Variants in JAK1 observed in about 807,000 individuals in gnomAD.
JAK1 encodes the protein tyrosine-protein kinase JAK1.
In JAK1, 16 loss-of-function variants were observed where a neutral mutation model predicts 136.6. The observed-to-expected ratio is 0.12, with a 90% CI of 0.08 to 0.18. The LOEUF is 0.18. Ranked by LOEUF, JAK1 falls within the 10% of genes least tolerant of loss-of-function variation. JAK1 has a pLI of 1.00. For missense variants in JAK1, 859 were observed against 1,450.1 expected, an observed-to-expected ratio of 0.59 and a Z score of 6.62; for synonymous variants, 492 against 519.5, an observed-to-expected ratio of 0.95 and a Z score of 0.72.
At chr1:65,054,769 T>C (rs1431770000) in intron 1 of JAK1, among the ~76,000 whole-genome samples, 2 of 46,124 alleles carry the variant, frequency 4.3e-5, no homozygotes, top group South Asian at 1.7e-3. Context: ...TAATATTCAT[T>C]GCTACTATAT....
At chr1:65,004,432 G>T (rs510477) in intron 2 of JAK1, among the ~76,000 whole-genome samples, 2,219 of 152,284 alleles carry the variant, frequency 0.015, 56 homozygotes, top group African/African-American at 0.05. Context: ...TGACCATCAG[G>T]GTTGATCTAA....
At chr1:64,906,603 C>T (rs944171446) in intron 1 of JAK1, among the ~76,000 whole-genome samples, 2 of 152,234 alleles carry the variant, frequency 1.3e-5, no homozygotes, top group African/African-American at 4.8e-5. Flanking sequence ...TCGCCACCTA[C>T]ACTGCTACTA....
chr1:64,909,257 T>C (rs1048354205), intron 1 of JAK1, among the ~76,000 whole-genome samples: 1 of 152,162 alleles, frequency 6.6e-6, no homozygotes, highest in Non-Finnish European at 1.5e-5. Context: ...CAAGAGCTGC[T>C]GACAGGGAAG....
Position 64,915,643 on chromosome 1 carries a change from G to T in JAK1, c.-77-29302C>A, listed in dbSNP as rs1399881436. Among the ~76,000 whole-genome samples, 5 of 152,292 alleles carry T rather than the reference G, an allele frequency of 3.3e-5. No individual in the cohort carries two copies. In the East Asian group the frequency reaches 7.7e-4, roughly 23 times the overall value. On this transcript the variant is annotated intron_variant, in intron 1 of 24. Coordinates refer to ENST00000342505, the MANE Select transcript of JAK1 (RefSeq NM_002227.4). ...GGCAGCCAGTCACATGTGGCTACCA[G>T]GCATTTAAAAGATGGCTACTGTAAC...
intron 1 of JAK1, among the ~76,000 whole-genome samples, chr1:64,902,253 G>A (rs890188516): frequency 2.0e-5 from 3 of 152,004 alleles, no homozygotes; most frequent in Admixed American, 6.6e-5. Flanking sequence ...ACTCCCTTTA[G>A]TGCTCTTCTC....
intron 2 of JAK1, chr1:64,972,919 G>C (rs181728274): frequency 6.6e-6 from 1 of 152,478 alleles, no homozygotes; most frequent in Non-Finnish European, 1.5e-5. Flanking sequence ...AGGAGTTCAA[G>C]ACCAGCCTGG....
At chr1:64,906,477 G>C (rs527602856) in intron 1 of JAK1, among the ~76,000 whole-genome samples, 10 of 152,156 alleles carry the variant, frequency 6.6e-5, no homozygotes, top group African/African-American at 2.4e-4. Context: ...CCATGTTGTA[G>C]AAGCAAAACC....
intron 3 of JAK1, among the ~76,000 whole-genome samples, chr1:64,882,742 A>G (rs1644793225): frequency 6.6e-6 from 1 of 152,204 alleles, no homozygotes; most frequent in African/African-American, 2.4e-5. Context: ...CCTTTTCACA[A>G]CTTGGGAACT....
upstream of JAK1, among the ~76,000 whole-genome samples, chr1:64,970,468 C>A (rs1204177355): frequency 6.7e-6 from 1 of 149,348 alleles, no homozygotes; most frequent in African/African-American, 2.5e-5. Context: ...ACAAAAAGGG[C>A]CGGGTGCAGT....
intron 2 of JAK1, among the ~76,000 whole-genome samples, chr1:64,977,711 G>T (rs1415785664): frequency 6.6e-6 from 1 of 152,036 alleles, no homozygotes; most frequent in Non-Finnish European, 1.5e-5. Flanking sequence ...GATTACAGGC[G>T]TGAGCCACCG....
chr1:65,047,806 C>T (rs954312110), intron 1 of JAK1, among the ~76,000 whole-genome samples: 2 of 151,612 alleles, frequency 1.3e-5, no homozygotes, highest in Non-Finnish European at 2.9e-5. Context: ...TACTGAAGTA[C>T]GTTAGTGTGG....
At chr1:65,047,104 C>T (rs1223478394) in intron 1 of JAK1, among the ~76,000 whole-genome samples, 2 of 151,910 alleles carry the variant, frequency 1.3e-5, no homozygotes, top group Non-Finnish European at 2.9e-5. Context: ...AAGAGGATAG[C>T]TTGAGCCCAG....
chr1:64,892,846 T>A (rs1644960090), intron 1 of JAK1, among the ~76,000 whole-genome samples: 1 of 152,196 alleles, frequency 6.6e-6, no homozygotes, highest in South Asian at 2.1e-4. Context: ...CCACTCTGCC[T>A]TGGGCAAGGT....
chr1:64,993,423 C>G (rs570970069), intron 2 of JAK1: 1 of 152,182 alleles, frequency 6.6e-6, no homozygotes, highest in African/African-American at 2.4e-5. Context: ...AGTACCAGTA[C>G]AGTGCCCTAC....
At chr1:64,840,169 T>C (rs1379533142) in intron 19 of JAK1, among the ~76,000 whole-genome samples, 1 of 152,126 alleles carries the variant, frequency 6.6e-6, no homozygotes, top group Non-Finnish European at 1.5e-5. Context: ...AAAGAGCAAA[T>C]GCATGAGGAG....
At chr1:65,023,913 CTTTTTTTT>C (rs35481521) in intron 2 of JAK1, among the ~76,000 whole-genome samples, 1 of 119,384 alleles carries the variant, frequency 8.4e-6, no homozygotes, top group Non-Finnish European at 1.7e-5. Flanking sequence ...TAGATTCATC[CTTTTTTTT>C]TTTTTTTTTT....
At chr1:64,841,726 G>T (rs310247) in intron 17 of JAK1, 125 bp from the exon 18 acceptor site, 12 of 949,652 alleles carry the variant, frequency 1.3e-5, no homozygotes, top group Middle Eastern at 6.6e-4. Flanking sequence ...GGTAGATTTC[G>T]TAAGTGTTTG....
Position 64,883,319 on chromosome 1 carries a change from A to G in JAK1, c.163T>C (p.Tyr55His). The G allele has an allele frequency of 6.2e-7, 1 of 1,614,004 alleles. No individual in the cohort carries two copies. The highest frequency in any genetic ancestry group is 8.5e-7 in the Non-Finnish European group (1 of 1,179,978). Residue 55 changes from tyrosine (Y) to histidine (H), a missense_variant, in exon 3 of 25, where the codon TAC (tyrosine) becomes CAC (histidine). Physicochemically the swap from Tyr to His is moderately conservative, Grantham distance 83. This residue lies in a region of JAK1 where 353 missense variants were observed against 494.0 expected (regional missense o/e 0.71). Transcript: ENST00000342505. ...CTGATGCACAGTTCCTCTGCTGTGTACTCTCCACTGCCCAGCCGGAGGGGC... is the reference window on the plus strand; with the variant it reads ...CTGATGCACAGTTCCTCTGCTGTGTGCTCTCCACTGCCCAGCCGGAGGGGC... ...REPLRLGSGE[Y>H]TAEELCIRAA... is the part of the protein sequence containing the mutation.
intron 19 of JAK1, among the ~76,000 whole-genome samples, chr1:64,840,235 G>A (rs1043610055): frequency 6.6e-6 from 1 of 152,174 alleles, no homozygotes; most frequent in Non-Finnish European, 1.5e-5. Flanking sequence ...CGACAGTGGT[G>A]GCCAAGTCCC....
Sources: allele counts gnomAD v4.1 joint callset (sites outside exome capture counted in the v4.1 genomes callset), GRCh38; gene constraint gnomAD v4.1.1; regional missense constraint gnomAD v4.1.1; transcripts MANE v1.5; gene names NCBI Gene and HGNC (gene_info 2026-07-23, HGNC 2026-07-21).